Variants in OSBPL10 observed in about 807,000 individuals in gnomAD.
The protein encoded by OSBPL10 is oxysterol binding protein like 10, also known as oxysterol-binding protein-related protein 10.
Under a neutral mutation model 81.7 loss-of-function variants are expected in OSBPL10, and 49 were observed. That is an observed-to-expected ratio of 0.60 (90% CI 0.48 to 0.76). The LOEUF is 0.76. OSBPL10 is among the 30% of genes least tolerant of loss of function. The probability of loss-of-function intolerance (pLI) is 0.00; values close to 1 mark genes in which losing one functional copy is unlikely to be tolerated. For synonymous variants in OSBPL10, 419 were observed against 383.6 expected, an observed-to-expected ratio of 1.09 and a Z score of -1.08; for missense variants, 923 against 987.8, an observed-to-expected ratio of 0.93 and a Z score of 0.88.
At chr3:31,918,165 T>C (rs1036660471) in intron 1 of OSBPL10, among the ~76,000 whole-genome samples, 13 of 152,154 alleles carry the variant, frequency 8.5e-5, no homozygotes, top group African/African-American at 3.1e-4. Flanking sequence ...CCTCAGTTAT[T>C]AAAAACACAA....
At chr3:31,834,459 C>G (rs892524559) in intron 3 of OSBPL10, among the ~76,000 whole-genome samples, 1 of 152,080 alleles carries the variant, frequency 6.6e-6, no homozygotes, top group Admixed American at 6.5e-5. Flanking sequence ...TGCGGGACAG[C>G]AAAAAAGAGT....
intron 1 of OSBPL10, among the ~76,000 whole-genome samples, chr3:32,054,531 T>C (rs896450229): frequency 1.5e-5 from 2 of 135,410 alleles, no homozygotes; most frequent in African/African-American, 5.4e-5. Flanking sequence ...GGTGGCTTTT[T>C]TTTTTTTTTT....
chr3:31,672,196 T>G (rs1700339130), intron 8 of OSBPL10, among the ~76,000 whole-genome samples: 1 of 152,014 alleles, frequency 6.6e-6, no homozygotes, highest in South Asian at 2.1e-4. Flanking sequence ...GAGCTCCACA[T>G]GAACTATCTT....
Position 32,065,788 on chromosome 3 carries a change from C to T in OSBPL10, n.185+11608G>A, listed in dbSNP as rs1699772161. Reference sequence around the variant, plus strand: ...TCCCAGCTACTTGGGAGGCTGAAGCCAAAGGATCGCTTGAGCCCAGGAGGC... The same window carrying T: ...TCCCAGCTACTTGGGAGGCTGAAGCTAAAGGATCGCTTGAGCCCAGGAGGC... On this transcript the variant is annotated intron_variant and non_coding_transcript_variant, in intron 1 of 3. Transcript: ENST00000479173. 2.3e-5 allele frequency among the ~76,000 whole-genome samples: 2 copies of T among 88,214 alleles called. 1 individual carries two copies. Among genetic ancestry groups the T allele is most frequent in the Non-Finnish European group, 6.0e-5 (2 of 33,462 alleles). The allele number at this position is 88,214 out of a possible 152,430, so 57.9% of individuals were successfully genotyped here.
intron 1 of OSBPL10, among the ~76,000 whole-genome samples, chr3:32,055,191 CTTTTTTTTTTTTTTT>C (rs139735770): frequency 5.2e-5 from 3 of 58,248 alleles, no homozygotes; most frequent in Non-Finnish European, 8.6e-5. Flanking sequence ...CTATTTATAG[CTTTTTTTTTTTTTTT>C]TTTTTTTTTT....
chr3:31,758,756 C>G (rs1697955259), intron 4 of OSBPL10, among the ~76,000 whole-genome samples: 1 of 152,198 alleles, frequency 6.6e-6, no homozygotes, highest in African/African-American at 2.4e-5. Flanking sequence ...CAGCATGAAG[C>G]TCAATTGCAT....
intron 4 of OSBPL10, among the ~76,000 whole-genome samples, chr3:31,788,853 G>A (rs1698930509): frequency 6.6e-6 from 1 of 151,908 alleles, no homozygotes; most frequent in Non-Finnish European, 1.5e-5. Context: ...TAGGAAATTT[G>A]GAAAATACAG....
At chr3:31,996,566 T>C (rs970611656) in intron 2 of OSBPL10, among the ~76,000 whole-genome samples, 1 of 152,146 alleles carries the variant, frequency 6.6e-6, no homozygotes, top group African/African-American at 2.4e-5. Context: ...TTTCCCAAAG[T>C]TTAAAAAGAG....
intron 8 of OSBPL10, among the ~76,000 whole-genome samples, chr3:31,674,419 G>A (rs1700403092): frequency 6.6e-6 from 1 of 152,042 alleles, no homozygotes; most frequent in Non-Finnish European, 1.5e-5. Flanking sequence ...AATTAGCTGT[G>A]CATGGTGGTG....
At chr3:31,701,933 AGTGGCG>A in intron 7 of OSBPL10, 3 of 164,550 alleles carry the variant, frequency 1.8e-5, no homozygotes, top group South Asian at 1.7e-4. Flanking sequence ...GGGCGTGTAG[AGTGGCG>A]TCATTCCTGG....
chr3:31,953,085 CCAT>C (rs1397327689), intron 1 of OSBPL10, among the ~76,000 whole-genome samples: 43 of 151,972 alleles, frequency 2.8e-4, no homozygotes, highest in African/African-American at 1.0e-3. Context: ...GCGCCCACCA[CCAT>C]GCCTGGCTAA....
chr3:31,916,401 G>C (rs879540021), intron 1 of OSBPL10, among the ~76,000 whole-genome samples: 4 of 151,970 alleles, frequency 2.6e-5, no homozygotes, highest in Non-Finnish European at 5.9e-5. Context: ...TAGAGTGAGT[G>C]GCCACCCCAC....
At chr3:31,926,289 G>GCCCCCCCCCCCCCCCCCCCCCCCCC (rs36122261) in intron 1 of OSBPL10, among the ~76,000 whole-genome samples, 1 of 130,114 alleles carries the variant, frequency 7.7e-6, no homozygotes, top group Non-Finnish European at 1.6e-5. Context: ...GGGTGATTTT[G>GCCCCCCCCCCCCCCCCCCCCCCCCC]CCCCCCCAGA....
intron 1 of OSBPL10, among the ~76,000 whole-genome samples, chr3:31,935,458 G>C (rs1371900818): frequency 6.6e-6 from 1 of 151,394 alleles, no homozygotes; most frequent in East Asian, 1.9e-4. Context: ...ATTCATCCTG[G>C]GAAATGCTGC....
intron 5 of OSBPL10, among the ~76,000 whole-genome samples, chr3:31,745,396 A>G (rs998378590): frequency 6.6e-6 from 1 of 152,248 alleles, no homozygotes; most frequent in Non-Finnish European, 1.5e-5. Context: ...GAAAAGGTGA[A>G]GCAAACATCA....
At chr3:31,753,285 T>C (rs2125707534) in intron 4 of OSBPL10, among the ~76,000 whole-genome samples, 1 of 151,708 alleles carries the variant, frequency 6.6e-6, no homozygotes, top group African/African-American at 2.4e-5. Flanking sequence ...CCTCGCCTCC[T>C]GGGTTTAAGT....
chr3:32,008,641 T>C, intron 2 of OSBPL10, among the ~76,000 whole-genome samples: 1 of 149,866 alleles, frequency 6.7e-6, no homozygotes, highest in South Asian at 2.1e-4. Flanking sequence ...TCCTGGCTAC[T>C]GGGGAGGCTG....
rs1231151337 is a variant in OSBPL10, at chr3:32,014,489, A to G, written n.298+32002T>C. Reference sequence around the variant, plus strand: ...CTATGACAAACCCACAGCCAATATCATACTGAATGGGCAAAAACTGGAAGC... The same window carrying G: ...CTATGACAAACCCACAGCCAATATCGTACTGAATGGGCAAAAACTGGAAGC... On this transcript the variant is annotated intron_variant and non_coding_transcript_variant, in intron 2 of 3. Coordinates refer to the OSBPL10 transcript ENST00000479173. 2.6e-5 allele frequency among the ~76,000 whole-genome samples: 4 copies of G among 152,222 alleles called. No homozygotes were observed. In the South Asian group the frequency reaches 8.3e-4, roughly 32 times the overall value.
intron 2 of OSBPL10, chr3:31,988,832 A>C: frequency 1.8e-6 from 1 of 547,298 alleles, no homozygotes; most frequent in East Asian, 3.0e-5. Flanking sequence ...GTCACCAGTC[A>C]AGCCTTGAGA....
Sources: allele counts gnomAD v4.1 joint callset (sites outside exome capture counted in the v4.1 genomes callset), GRCh38; gene constraint gnomAD v4.1.1; transcripts MANE v1.5; gene names NCBI Gene and HGNC (gene_info 2026-07-23, HGNC 2026-07-21).